The following RALYL variants were observed in gnomAD, a reference collection of about 807,000 sequenced individuals.
RALYL encodes RALY RNA binding protein like.
Under a neutral mutation model 35.1 loss-of-function variants are expected in RALYL, and 29 were observed. The observed-to-expected ratio is 0.83, with a 90% CI of 0.61 to 1.13. The LOEUF is 1.13. Among genes scored for constraint, RALYL ranks in the 50% most tolerant of loss-of-function variants. The probability of loss-of-function intolerance (pLI) is 0.00; values close to 1 mark genes in which losing one functional copy is unlikely to be tolerated. For missense variants in RALYL, 359 were observed against 360.4 expected (o/e 1.00, Z 0.03); for synonymous variants, 120 against 127.6 (o/e 0.94, Z 0.40).
At chr8:84,504,626 G>T (rs2057002897) in intron 1 of RALYL, among the ~76,000 whole-genome samples, 1 of 152,038 alleles carries the variant, frequency 6.6e-6, no homozygotes. Context: ...ATAGGAAAAA[G>T]GCAAGATTTA....
intron 2 of RALYL, among the ~76,000 whole-genome samples, chr8:84,707,745 T>G (rs1478541257): frequency 2.0e-5 from 3 of 152,098 alleles, no homozygotes; most frequent in East Asian, 1.9e-4. Flanking sequence ...CATAATAAAA[T>G]TAAAGTATAT....
intron 1 of RALYL, among the ~76,000 whole-genome samples, chr8:84,354,744 A>G (rs1393527229): frequency 6.6e-6 from 1 of 150,404 alleles, no homozygotes; most frequent in Non-Finnish European, 1.5e-5. Context: ...AGTCCTCCTT[A>G]GAAGACAGGG....
In RALYL at chr8:84,594,703, G is replaced by C. The variant is rs374080458; in HGVS notation, c.256+65126G>C. On this transcript the variant is annotated intron_variant, in intron 2 of 8. Transcript: ENST00000521268. ...CGTACTTGTGGCTAGCATAGGAAAG[G>C]AGACATTTTCATGTTAACGTGAATT... Among the ~76,000 whole-genome samples the C allele has an allele frequency of 3.7e-3, 562 of 152,136 alleles. 6 individuals are homozygous for C. Among genetic ancestry groups the C allele is most frequent in the African/African-American group, 0.013 (539 of 41,532 alleles).
At chr8:84,549,532 A>T (rs1411265626) in intron 2 of RALYL, among the ~76,000 whole-genome samples, 5 of 152,200 alleles carry the variant, frequency 3.3e-5, no homozygotes, top group African/African-American at 1.2e-4. Context: ...TGAACAGAGA[A>T]AACTCCTTCA....
chr8:84,477,144 A>G (rs978941241), intron 1 of RALYL, among the ~76,000 whole-genome samples: 12 of 152,108 alleles, frequency 7.9e-5, no homozygotes, highest in Admixed American at 1.3e-4. Flanking sequence ...TTTATTTTCT[A>G]GGTAAAATTT....
intron 3 of RALYL, among the ~76,000 whole-genome samples, chr8:84,802,107 A>G (rs1823443211): frequency 6.6e-6 from 1 of 152,204 alleles, no homozygotes; most frequent in African/African-American, 2.4e-5. Flanking sequence ...CTGCTCTGCC[A>G]CAACTACTCA....
intron 8 of RALYL, among the ~76,000 whole-genome samples, chr8:84,914,783 T>C (rs1423182285): frequency 1.1e-4 from 17 of 152,178 alleles, no homozygotes; most frequent in Admixed American, 9.2e-4. Flanking sequence ...ACAGAACTAC[T>C]ACAAATCAGG....
At chr8:84,462,600 C>CTTTTTT (rs754020253) in intron 1 of RALYL, among the ~76,000 whole-genome samples, 1 of 103,038 alleles carries the variant, frequency 9.7e-6, no homozygotes. Flanking sequence ...TATCTAGATT[C>CTTTTTT]ATTTTTTTTT....
intron 1 of RALYL, among the ~76,000 whole-genome samples, chr8:84,505,056 G>A (rs2057045696): frequency 6.6e-6 from 1 of 152,098 alleles, no homozygotes; most frequent in Non-Finnish European, 1.5e-5. Context: ...CCCAAATTTA[G>A]TATCAGCAAT....
At chr8:84,365,694 TATC>T (rs1257807390) in intron 1 of RALYL, among the ~76,000 whole-genome samples, 6 of 152,192 alleles carry the variant, frequency 3.9e-5, no homozygotes, top group Admixed American at 2.6e-4. Context: ...TCAATACTGA[TATC>T]ATATTAATCA....
Position 84,412,790 on chromosome 8 carries a change from C to T in RALYL, c.-23-116509C>T, listed in dbSNP as rs139229453. On this transcript the variant is annotated intron_variant, in intron 1 of 8. Transcript: ENST00000521268. ...TTGTCATTAAGGACCCAGGTAACTA[C>T]GATCCTCTAACAGTTAATGACACAA... 3.9e-5 allele frequency among the ~76,000 whole-genome samples: 6 copies of T among 152,022 alleles called. No homozygotes were observed. The East Asian group carries it at 9.7e-4, about 25-fold the overall frequency.
At chr8:84,476,875 T>C (rs2053482523) in intron 1 of RALYL, among the ~76,000 whole-genome samples, 2 of 152,190 alleles carry the variant, frequency 1.3e-5, no homozygotes, top group Non-Finnish European at 2.9e-5. Context: ...CTGCAATAAC[T>C]ACACTTGGGG....
rs561290779 is a variant in RALYL at position 84,621,628 on chromosome 8, A to G, written c.256+92051A>G. ...AGCCATCTTGGCTCCTCCCCCGACT[A>G]TAGAACTTTCATACAGTACATGAAC... On this transcript the variant is annotated intron_variant, in intron 2 of 8. Transcript: ENST00000521268. 1.7e-4 allele frequency among the ~76,000 whole-genome samples: 26 copies of G among 152,266 alleles called. No individual in the cohort carries two copies. The South Asian group carries it at 1.9e-3, about 11-fold the overall frequency.
At position 84,694,654 on chromosome 8, in the gene RALYL, T is replaced by G. The variant is rs552479425; in HGVS notation, c.257-79925T>G. Among the ~76,000 whole-genome samples the G allele has an allele frequency of 5.3e-5, 8 of 151,996 alleles. No homozygotes were observed. In the South Asian group the frequency reaches 1.7e-3, roughly 31 times the overall value. ...AAGACCTTGAATAGCCAAGGTAATC[T>G]TGAACAAAAAGAACACAGCTGGAAG... On this transcript the variant is annotated intron_variant, in intron 2 of 8. Transcript: ENST00000521268.
chr8:84,857,962 G>T (rs369780794), intron 5 of RALYL, among the ~76,000 whole-genome samples: 2 of 151,790 alleles, frequency 1.3e-5, no homozygotes, highest in East Asian at 3.9e-4. Flanking sequence ...ATATGCCTTT[G>T]TCCAAAAGGC....
At chr8:84,307,098 T>C (rs1351926744) in intron 1 of RALYL, among the ~76,000 whole-genome samples, 2 of 152,138 alleles carry the variant, frequency 1.3e-5, no homozygotes, top group Non-Finnish European at 2.9e-5. Context: ...TGATTCACAC[T>C]GTCAGCTAAG....
At chr8:84,818,851 G>A (rs546748611) in intron 4 of RALYL, among the ~76,000 whole-genome samples, 218 of 152,222 alleles carry the variant, frequency 1.4e-3, no homozygotes, top group African/African-American at 4.4e-3. Context: ...TAAGAATGTC[G>A]AAATCAGTGA....
intron 1 of RALYL, among the ~76,000 whole-genome samples, chr8:84,211,574 G>T (rs1178786852): frequency 6.6e-6 from 1 of 152,092 alleles, no homozygotes; most frequent in Non-Finnish European, 1.5e-5. Flanking sequence ...CCCAATCTAA[G>T]CAGTAAGAAG....
chr8:84,691,633 C>T (rs933751987), intron 2 of RALYL, among the ~76,000 whole-genome samples: 32 of 152,034 alleles, frequency 2.1e-4, no homozygotes, highest in African/African-American at 7.7e-4. Context: ...CCCCCCTCCC[C>T]TCATATCTTG....
Sources: gnomAD v4.1 joint callset for allele counts (sites outside exome capture counted in the v4.1 genomes callset) on GRCh38, gnomAD v4.1.1 for gene constraint, MANE v1.5 for transcripts, NCBI Gene and HGNC (gene_info 2026-07-23, HGNC 2026-07-21) for gene names.